SNX32: variants seen among roughly 807,000 people sequenced by gnomAD.
The protein encoded by SNX32 is sorting nexin-32.
SNX32 carries 58 observed loss-of-function variants against 57.0 expected under a neutral mutation model. The observed-to-expected ratio is 1.02, with a 90% CI of 0.82 to 1.27. SNX32 has a LOEUF of 1.27. Ranked by LOEUF, SNX32 falls within the 50% of genes most tolerant of loss-of-function variation. The pLI, the probability that SNX32 is intolerant of heterozygous loss-of-function variation, is 0.00. For synonymous variants in SNX32, 262 were observed against 220.4 expected (o/e 1.19, Z -1.67); for missense variants, 589 against 541.2 (o/e 1.09, Z -0.88).
chr11:65,846,566 C>T (rs750906269), intron 1 of SNX32, among the ~76,000 whole-genome samples: 17 of 139,992 alleles, frequency 1.2e-4, no homozygotes, highest in Middle Eastern at 3.8e-3. Flanking sequence ...AACTCTGTCT[C>T]GAAAAAAAAA....
At chr11:65,836,762 A>T (rs2134687082) in intron 1 of SNX32, among the ~76,000 whole-genome samples, 1 of 152,292 alleles carries the variant, frequency 6.6e-6, no homozygotes, top group Non-Finnish European at 1.5e-5. Context: ...ACCTGGATGA[A>T]GCTGGAAGCC....
At chr11:65,842,911 T>G (rs1858882485) in intron 1 of SNX32, among the ~76,000 whole-genome samples, 1 of 124,642 alleles carries the variant, frequency 8.0e-6, no homozygotes, top group African/African-American at 3.2e-5. Context: ...GATCCGCCAT[T>G]GCACTCCAGC....
chr11:65,853,200 C>G lies in SNX32; in HGVS notation c.1159-82C>G. 4 of 1,579,940 alleles carry G rather than the reference C, an allele frequency of 2.5e-6. No individual in the cohort carries two copies. The South Asian group carries it at 4.4e-5, about 18-fold the overall frequency. On this transcript the variant is annotated intron_variant, in intron 12 of 12. Transcript: ENST00000308342. ...TTGCAGAGAGCAGGGGTGTGGGGAG[C>G]GAGGGAGCATCTAAGGTGCAGAAAG...
rs146990690 is a variant in SNX32, at chr11:65,846,266, G to C, written c.37-3212G>C. On this transcript the variant is annotated intron_variant, in intron 1 of 12. Coordinates refer to ENST00000308342, the MANE Select transcript of SNX32 (RefSeq NM_152760.3). ...AGCCTGGGCGACAGAGTGAGACTTC[G>C]TCTCAAAAAAAAGAATAGGCCAGGA... 2.7e-5 allele frequency among the ~76,000 whole-genome samples: 4 copies of C among 147,016 alleles called. No individual in the cohort carries two copies. The South Asian group carries it at 8.7e-4, about 32-fold the overall frequency.
Position 65,834,010 on chromosome 11 carries a change from G to A in SNX32, c.-56G>A. 6.5e-7 allele frequency: 1 copy of A among 1,544,016 alleles called. No individual in the cohort carries two copies. Among genetic ancestry groups the A allele is most frequent in the Non-Finnish European group, 8.8e-7 (1 of 1,142,296 alleles). ...CGGTCAGTTCCTCGGGCGAGTTACG[G>A]GGACGACCTGCGGGAGCACGCGGGC... On this transcript the variant is annotated 5_prime_UTR_variant, in exon 1 of 13. Transcript: ENST00000308342.
chr11:65,839,533 C>T (rs868220638), intron 1 of SNX32, among the ~76,000 whole-genome samples: 5 of 150,696 alleles, frequency 3.3e-5, no homozygotes, highest in Non-Finnish European at 5.9e-5. Flanking sequence ...TTAGTAGAGA[C>T]GATGTTTCAC....
chr11:65,850,751 C>A lies in SNX32; in HGVS notation c.499C>A (p.Leu167Met). Residue 167 changes from leucine to methionine, a missense_variant and splice_region_variant, in exon 6 of 13, where the codon CTG (leucine) becomes ATG (methionine). Coordinates refer to ENST00000308342, the MANE Select transcript of SNX32 (RefSeq NM_152760.3). ...FFVFLEYGQD[L>M]SVRGKNRKEL... is the part of the protein sequence containing the mutation. Reference sequence around the variant, plus strand: ...ATCATACCCTCCCTGTGTGCCTCAGCTGAGTGTCCGGGGGAAGAACAGGAA... The same window carrying A: ...ATCATACCCTCCCTGTGTGCCTCAGATGAGTGTCCGGGGGAAGAACAGGAA... 1 of 1,613,840 alleles carries A rather than the reference C, an allele frequency of 6.2e-7. No homozygotes were observed. The highest frequency in any genetic ancestry group is 1.1e-5 in the South Asian group (1 of 91,054).
intron 1 of SNX32, among the ~76,000 whole-genome samples, chr11:65,834,454 CTGTG>C (rs1377172617): frequency 7.1e-6 from 1 of 141,680 alleles, no homozygotes; most frequent in Admixed American, 7.1e-5. Flanking sequence ...TGTGTATGGC[CTGTG>C]TGTGTCTGTG....
At position 65,850,036 on chromosome 11, in the gene SNX32, G is replaced by GAGGGGCTGGGC. The variant is rs1297167984; in HGVS notation, c.252+17_252+27dup. 2 of 1,614,180 alleles carry GAGGGGCTGGGC rather than the reference G, an allele frequency of 1.2e-6. No homozygotes were observed. Among genetic ancestry groups the GAGGGGCTGGGC allele is most frequent in the Non-Finnish European group, 1.7e-6 (2 of 1,179,990 alleles). ...AGGAGTACGCCGGCCTCATCGTGAG[G>GAGGGGCTGGGC]AGGGGCTGGGCAGGGGCTGGGAGGG... On this transcript the variant is annotated splice_region_variant and intron_variant, in intron 3 of 12. Transcript: ENST00000308342.
chr11:65,844,965 CAA>C lies in SNX32; in HGVS notation c.37-4498_37-4497del, dbSNP rs58832475. On this transcript the variant is annotated intron_variant, in intron 1 of 12. Transcript: ENST00000308342. ...TGGGTGACACAGCAAGACTCTGTCT[CAA>C]AAAAAAAAAAAAAAGTCTTCTAAAG... 9.5e-3 allele frequency among the ~76,000 whole-genome samples: 1,196 copies of C among 125,480 alleles called. 9 individuals are homozygous for C. Among genetic ancestry groups the C allele is most frequent in the African/African-American group, 0.025 (828 of 33,630 alleles). 82.3% of individuals were successfully genotyped at this position (125,480 alleles called of 152,430 possible). A position where few individuals can be genotyped will look rare whatever the true frequency, so the allele number is the denominator to read the frequency against.
intron 1 of SNX32, among the ~76,000 whole-genome samples, chr11:65,837,817 C>CAAA (rs774242704): frequency 0.27 from 19,408 of 70,932 alleles, 3,760 homozygotes; most frequent in Non-Finnish European, 0.3. Context: ...AAGACTCTCT[C>CAAA]AAAAAAAAAA....
chr11:65,849,664 A>G (rs1591036429), intron 2 of SNX32, 82 bp downstream of exon 2: 3 of 1,263,034 alleles, frequency 2.4e-6, no homozygotes, highest in African/African-American at 1.5e-5. Context: ...GCATGTGCCA[A>G]CACAGCCTGT....
At chr11:65,851,706 G>T in intron 9 of SNX32, 27 bp downstream of exon 9, 1 of 1,613,366 alleles carries the variant, frequency 6.2e-7, no homozygotes, top group Non-Finnish European at 8.5e-7. Context: ...GTGCTCAAAG[G>T]CTTTCCTGGT....
Position 65,853,269 on chromosome 11 carries a change from T to C in SNX32, c.1159-13T>C. On this transcript the variant is annotated splice_polypyrimidine_tract_variant and intron_variant, in intron 12 of 12. Coordinates refer to ENST00000308342, the MANE Select transcript of SNX32 (RefSeq NM_152760.3). The stretch of plus-strand genomic sequence containing the variant: ...GGAGCAGGGGACTTCAAGGACCTGT[T>C]TCTCCTCTGCAGGCCAGCACCCTGA... 1 of 1,613,994 alleles carries C rather than the reference T, an allele frequency of 6.2e-7. No homozygotes were observed. The highest frequency in any genetic ancestry group is 8.5e-7 in the Non-Finnish European group (1 of 1,179,946).
intron 1 of SNX32, among the ~76,000 whole-genome samples, chr11:65,843,817 C>A (rs1396181567): frequency 6.6e-6 from 1 of 152,156 alleles, no homozygotes; most frequent in African/African-American, 2.4e-5. Flanking sequence ...GTATAATCAA[C>A]AATGGGTTTG....
rs1320064341 is a variant in SNX32, at chr11:65,839,223, GTA to G, written c.36+5124_36+5125del. Among the ~76,000 whole-genome samples the G allele has an allele frequency of 8.7e-4, 20 of 23,068 alleles. 2 individuals carry two copies. The highest frequency in any genetic ancestry group is 0.025 in the Middle Eastern group (1 of 40). The allele number at this position is 23,068 out of a possible 152,430, so 15.1% of individuals were successfully genotyped here. ...CCCACCACGCCCAGCTAATTTTTTT[GTA>G]TTTTTTTTTTTTTTTTTTTTTTGAG... is the stretch of plus-strand genomic sequence containing the variant. On this transcript the variant is annotated intron_variant, in intron 1 of 12. Transcript: ENST00000308342.
At chr11:65,839,962 C>T (rs1486690021) in intron 1 of SNX32, among the ~76,000 whole-genome samples, 1 of 151,844 alleles carries the variant, frequency 6.6e-6, no homozygotes, top group East Asian at 1.9e-4. Context: ...AGTTCGAGAC[C>T]AGCCTCAACA....
chr11:65,845,027 G>C (rs560063766), intron 1 of SNX32, among the ~76,000 whole-genome samples: 5 of 150,128 alleles, frequency 3.3e-5, no homozygotes, highest in Non-Finnish European at 7.4e-5. Flanking sequence ...GCCAGACATG[G>C]TGCTGCACAC....
Position 65,853,335 on chromosome 11 carries a change from G to A in SNX32, c.1212G>A (p.Ter404=), listed in dbSNP as rs1233449045. 6.2e-7 allele frequency: 1 copy of A among 1,614,042 alleles called. No homozygotes were observed. ...TTGTTGCCCTAAAGGGGGAGCCTTA[G>A]AGTAGCCAGAGCTCAGCCAGACCCT... ...NTLVALKGEP[*] Residue 404 remains the stop codon, a stop_retained_variant, in exon 13 of 13, where the codon TAG becomes TAA. Coordinates refer to ENST00000308342, the MANE Select transcript of SNX32 (RefSeq NM_152760.3).
Sources: gnomAD v4.1 joint callset for allele counts (sites outside exome capture counted in the v4.1 genomes callset) on GRCh38, gnomAD v4.1.1 for gene constraint, MANE v1.5 for transcripts, NCBI Gene and HGNC (gene_info 2026-07-23, HGNC 2026-07-21) for gene names.